CADPS: variants seen among roughly 807,000 people sequenced by gnomAD.
The protein encoded by CADPS is calcium-dependent secretion activator 1.
A neutral mutation model predicts 167.3 loss-of-function variants in CADPS; 57 were observed. The observed-to-expected ratio is 0.34, with a 90% CI of 0.28 to 0.42. The LOEUF is 0.42. Among genes scored for constraint, CADPS ranks in the 20% least tolerant of loss-of-function variants. The probability of loss-of-function intolerance (pLI) is 1.00; values close to 1 mark genes in which losing one functional copy is unlikely to be tolerated. For synonymous variants in CADPS, 676 were observed against 635.3 expected (o/e 1.06, Z -0.96); for missense variants, 1,414 against 1,738.1 (o/e 0.81, Z 3.32).
intron 19 of CADPS, 134 bp from the exon 20 acceptor site, chr3:62,492,580 AG>A: frequency 2.3e-6 from 2 of 883,416 alleles, no homozygotes; most frequent in East Asian, 4.9e-5. Context: ...TATTGTAAAG[AG>A]AACAGAATTT....
intron 4 of CADPS, among the ~76,000 whole-genome samples, chr3:62,661,867 T>A (rs890818855): frequency 1.3e-5 from 2 of 151,988 alleles, no homozygotes; most frequent in Non-Finnish European, 2.9e-5. Context: ...GTGTGGAACA[T>A]TGCAGGGAGA....
intron 17 of CADPS, among the ~76,000 whole-genome samples, chr3:62,508,743 A>C (rs1434545063): frequency 6.6e-6 from 1 of 152,226 alleles, no homozygotes; most frequent in Non-Finnish European, 1.5e-5. Flanking sequence ...TACTTAGCAC[A>C]TACTAAATTC....
In CADPS at chr3:62,753,208, C is replaced by T. The variant is rs2083091201; in HGVS notation, c.888+233G>A. ...CCCATTAGACACAATGAGCTCAATG[C>T]CTAGGGCCCCTGAGACTTTTAAGGG... On this transcript the variant is annotated intron_variant, in intron 3 of 29. Transcript: ENST00000383710. The surrounding 1 kb of genome is among the most constrained non-coding windows in gnomAD (Gnocchi z 4.6). Among the ~76,000 whole-genome samples, 1 of 152,104 alleles carries T rather than the reference C, an allele frequency of 6.6e-6. No individual in the cohort carries two copies. Among genetic ancestry groups the T allele is most frequent in the Non-Finnish European group, 1.5e-5 (1 of 68,028 alleles).
intron 21 of CADPS, among the ~76,000 whole-genome samples, chr3:62,482,928 G>A (rs1009702398): frequency 1.3e-5 from 2 of 152,114 alleles, no homozygotes; most frequent in African/African-American, 4.8e-5. Flanking sequence ...GAAGAGAGAT[G>A]GATGGTTTTA....
chr3:62,704,912 G>A (rs1248819280), intron 3 of CADPS, among the ~76,000 whole-genome samples: 1 of 152,028 alleles, frequency 6.6e-6, no homozygotes, highest in Non-Finnish European at 1.5e-5. Flanking sequence ...TATCACACCT[G>A]GAAAGCACCA....
intron 10 of CADPS, among the ~76,000 whole-genome samples, chr3:62,551,976 C>T (rs1040717821): frequency 6.6e-6 from 1 of 151,886 alleles, no homozygotes; most frequent in Non-Finnish European, 1.5e-5. Flanking sequence ...ATTTACTTTG[C>T]TTCATAAGTG....
intron 11 of CADPS, among the ~76,000 whole-genome samples, chr3:62,540,755 A>G (rs1319580157): frequency 6.6e-6 from 1 of 152,146 alleles, no homozygotes; most frequent in Non-Finnish European, 1.5e-5. Flanking sequence ...TTCCCAAGCA[A>G]CACCATACAG....
chr3:62,468,786 T>C (rs2060236898), intron 24 of CADPS, among the ~76,000 whole-genome samples: 1 of 152,220 alleles, frequency 6.6e-6, no homozygotes, highest in Non-Finnish European at 1.5e-5. Flanking sequence ...TTTCTGCTTA[T>C]AAAACAAAGT....
At chr3:62,567,774 C>A (rs1056621723) in intron 9 of CADPS, among the ~76,000 whole-genome samples, 1 of 151,682 alleles carries the variant, frequency 6.6e-6, no homozygotes, top group African/African-American at 2.4e-5. Context: ...GGGTTTTCAC[C>A]ATGTTGCCCA....
chr3:62,678,841 G>C (rs1382823191), intron 3 of CADPS, among the ~76,000 whole-genome samples: 1 of 141,112 alleles, frequency 7.1e-6, no homozygotes, highest in Non-Finnish European at 1.5e-5. Context: ...TACCCTCCAG[G>C]GCTTATTAAA....
At chr3:62,543,858 A>G (rs182368062) in intron 11 of CADPS, among the ~76,000 whole-genome samples, 1 of 152,296 alleles carries the variant, frequency 6.6e-6, no homozygotes, top group East Asian at 1.9e-4. Context: ...ATATAAATTA[A>G]GGAAGTATGT....
In CADPS at chr3:62,399,553, G is replaced by A. The variant is rs1158242208; in HGVS notation, c.3915C>T (p.Val1305=). The A allele has an allele frequency of 6.2e-7, 1 of 1,614,054 alleles. No homozygotes were observed. The highest frequency in any genetic ancestry group is 8.5e-7 in the Non-Finnish European group (1 of 1,179,952). ...KTYRDFRLQG[V]LDSTLNSKTY... ...TCTTGCTGTTTAAGGTGGAGTCCAG[G>A]ACCCCTTGCAATCGGAAATCTCTGT... is the stretch of plus-strand genomic sequence containing the variant. The change falls in exon 30 of 30, where the codon GTC becomes GTT. Residue 1305 remains valine, a synonymous_variant. Transcript: ENST00000383710. The surrounding 1 kb of genome is among the most constrained non-coding windows in gnomAD (Gnocchi z 5.6).
chr3:62,843,759 C>T (rs533472111), intron 1 of CADPS, among the ~76,000 whole-genome samples: 1 of 152,210 alleles, frequency 6.6e-6, no homozygotes, highest in South Asian at 2.1e-4. Context: ...CACTCAGATA[C>T]TTCTGCTTTA....
chr3:62,684,858 C>A (rs1580377583), intron 3 of CADPS, among the ~76,000 whole-genome samples: 1 of 151,914 alleles, frequency 6.6e-6, no homozygotes, highest in Non-Finnish European at 1.5e-5. Flanking sequence ...ATTTACTAGA[C>A]AGTTTCTGGG....
At position 62,544,923 on chromosome 3, in the gene CADPS, G is replaced by C; in HGVS notation, c.1966+4980C>G. ...ACATAAAGACTAGCAACAAGGCTCA[G>C]GAAAGCAGACAGGAGTTCTAACCTA... is the stretch of plus-strand genomic sequence containing the variant. On this transcript the variant is annotated intron_variant, in intron 11 of 29. Coordinates refer to ENST00000383710, the MANE Select transcript of CADPS (RefSeq NM_003716.4). The surrounding 1 kb of genome is among the most constrained non-coding windows in gnomAD (Gnocchi z 4.4). 9.5e-7 allele frequency: 1 copy of C among 1,057,050 alleles called. No individual in the cohort carries two copies. The highest frequency in any genetic ancestry group is 1.2e-6 in the Non-Finnish European group (1 of 829,158). The allele number at this position is 1,057,050 out of a possible 1,614,324, so 65.5% of individuals were successfully genotyped here.
At chr3:62,610,780 G>T (rs1290519760) in intron 6 of CADPS, among the ~76,000 whole-genome samples, 1 of 151,676 alleles carries the variant, frequency 6.6e-6, no homozygotes, top group Admixed American at 6.6e-5. Context: ...GGCCTCCTCA[G>T]TCCCCTTTGC....
At chr3:62,853,580 G>A (rs974244902) in intron 1 of CADPS, among the ~76,000 whole-genome samples, 3 of 149,274 alleles carry the variant, frequency 2.0e-5, no homozygotes, top group Non-Finnish European at 3.0e-5. Context: ...AGCCCGCATC[G>A]TGTCATTGCA....
At chr3:62,553,128 G>A (rs2077572158) in intron 10 of CADPS, among the ~76,000 whole-genome samples, 1 of 152,122 alleles carries the variant, frequency 6.6e-6, no homozygotes, top group African/African-American at 2.4e-5. Context: ...GTCAGGGAAT[G>A]CCAGGACAAA....
At chr3:62,529,002 T>C (rs145783971) in intron 13 of CADPS, among the ~76,000 whole-genome samples, 2,032 of 151,880 alleles carry the variant, frequency 0.013, 33 homozygotes, top group African/African-American at 0.047. Flanking sequence ...CTACTAAAAA[T>C]ACAAAAAAAT....
Sources: gnomAD v4.1 joint callset for allele counts (sites outside exome capture counted in the v4.1 genomes callset) on GRCh38, gnomAD v4.1.1 for gene constraint, Gnocchi (gnomAD v3.1) non-coding constraint, MANE v1.5 for transcripts, NCBI Gene and HGNC (gene_info 2026-07-23, HGNC 2026-07-21) for gene names.